Variants in MYO1D observed in about 807,000 individuals in gnomAD.
The protein encoded by MYO1D is unconventional myosin-Id.
A neutral mutation model predicts 122.0 loss-of-function variants in MYO1D; 83 were observed. That is an observed-to-expected ratio of 0.68 (90% CI 0.57 to 0.82). The LOEUF (loss-of-function observed/expected upper bound fraction) is 0.82. Ranked by LOEUF, MYO1D falls within the 40% of genes least tolerant of loss-of-function variation. The probability of loss-of-function intolerance (pLI) is 0.00; values close to 1 mark genes in which losing one functional copy is unlikely to be tolerated. For synonymous variants in MYO1D, 464 were observed against 446.9 expected (o/e 1.04, Z -0.48); for missense variants, 1,157 against 1,269.5 (o/e 0.91, Z 1.35).
chr17:32,743,594 CATTATTATT>C (rs746402773), intron 13 of MYO1D, among the ~76,000 whole-genome samples: 1 of 151,368 alleles, frequency 6.6e-6, no homozygotes, highest in African/African-American at 2.4e-5. Flanking sequence ...CCTCAGCCTG[CATTATTATT>C]ATTATTATTG....
chr17:32,596,352 G>A (rs2087492512), intron 21 of MYO1D, among the ~76,000 whole-genome samples: 1 of 152,226 alleles, frequency 6.6e-6, no homozygotes, highest in African/African-American at 2.4e-5. Context: ...CAGAAGGCGT[G>A]AGCAGCAGCT....
chr17:32,832,799 A>G (rs1567663948), intron 1 of MYO1D, among the ~76,000 whole-genome samples: 1 of 152,246 alleles, frequency 6.6e-6, no homozygotes, highest in Non-Finnish European at 1.5e-5. Context: ...TAGAAGTTAT[A>G]TATGATTTAA....
At chr17:32,517,888 G>A (rs1219998282) in intron 21 of MYO1D, among the ~76,000 whole-genome samples, 4 of 152,204 alleles carry the variant, frequency 2.6e-5, no homozygotes, top group Admixed American at 2.6e-4. Flanking sequence ...GAGCCCCCAA[G>A]GGTCACAGAG....
chr17:32,613,211 GT>G (rs1216426858), intron 20 of MYO1D, among the ~76,000 whole-genome samples: 1 of 151,968 alleles, frequency 6.6e-6, no homozygotes, highest in Non-Finnish European at 1.5e-5. Flanking sequence ...CTAGGCACAG[GT>G]TATGTTATAG....
intron 1 of MYO1D, among the ~76,000 whole-genome samples, chr17:32,810,540 T>C (rs1430890424): frequency 2.6e-5 from 4 of 151,670 alleles, no homozygotes. Flanking sequence ...TGCAATGGCG[T>C]GATCCTGGCT....
At chr17:32,701,607 A>G (rs1484163590) in intron 16 of MYO1D, among the ~76,000 whole-genome samples, 1 of 152,218 alleles carries the variant, frequency 6.6e-6, no homozygotes, top group Non-Finnish European at 1.5e-5. Context: ...CTGTCACTTA[A>G]GCTGAAGTTC....
At chr17:32,809,827 G>A (rs1400133345) in intron 1 of MYO1D, among the ~76,000 whole-genome samples, 1 of 152,224 alleles carries the variant, frequency 6.6e-6, no homozygotes, top group Non-Finnish European at 1.5e-5. Flanking sequence ...CAGGCCTTTT[G>A]CATCATCTTA....
chr17:32,567,501 A>G (rs2087184615), intron 21 of MYO1D, among the ~76,000 whole-genome samples: 1 of 152,248 alleles, frequency 6.6e-6, no homozygotes. Flanking sequence ...AATAAGGTAC[A>G]CAAAGGTTAA....
chr17:32,775,404 C>T (rs1202193833), intron 4 of MYO1D, among the ~76,000 whole-genome samples: 1 of 151,978 alleles, frequency 6.6e-6, no homozygotes, highest in Non-Finnish European at 1.5e-5. Flanking sequence ...TTTTTACTGA[C>T]CAAATACAGT....
At chr17:32,844,109 T>C (rs2090910853) in intron 1 of MYO1D, among the ~76,000 whole-genome samples, 1 of 150,328 alleles carries the variant, frequency 6.7e-6, no homozygotes, top group Non-Finnish European at 1.5e-5. Context: ...CCAGTAAATT[T>C]ATTAAATATT....
At position 32,632,626 on chromosome 17, in the gene MYO1D, C is replaced by CACAT. The variant is rs1310332247; in HGVS notation, c.2709+6095_2709+6096insATGT. 2.7e-4 allele frequency: 23 copies of CACAT among 83,792 alleles called. No homozygotes were observed. The East Asian group carries it at 2.8e-3, about 10-fold the overall frequency. The allele number at this position is 83,792 out of a possible 1,614,324, so 5.2% of individuals were successfully genotyped here. On this transcript the variant is annotated intron_variant, in intron 20 of 21. Coordinates refer to ENST00000318217, the MANE Select transcript of MYO1D (RefSeq NM_015194.3). ...ACACACACACACACACACACACACA[C>CACAT]ATATATATATATATAAATAGGCAAA...
chr17:32,871,239 T>C (rs2091176579), intron 1 of MYO1D, among the ~76,000 whole-genome samples: 1 of 152,178 alleles, frequency 6.6e-6, no homozygotes, highest in African/African-American at 2.4e-5. Context: ...TGGCAATGTC[T>C]AGAGACATTT....
intron 19 of MYO1D, among the ~76,000 whole-genome samples, chr17:32,645,989 G>A (rs1312986394): frequency 1.3e-5 from 2 of 152,224 alleles, no homozygotes; most frequent in African/African-American, 4.8e-5. Flanking sequence ...CTGATTTTTA[G>A]AATTTTCAGT....
At position 32,730,215 on chromosome 17, in the gene MYO1D, ATTTT is replaced by A. The variant is rs1318179595; in HGVS notation, c.1746+8034_1746+8037del. Among the ~76,000 whole-genome samples the A allele has an allele frequency of 2.0e-5, 3 of 150,360 alleles. 1 individual carries two copies. In the South Asian group the frequency reaches 6.3e-4, roughly 31 times the overall value. ...ATTATGTTAGAAAATTTTCACATGT[ATTTT>A]TAACTCATCAGAGTTGAACGTTAAA... On this transcript the variant is annotated intron_variant, in intron 14 of 21. Coordinates refer to ENST00000318217, the MANE Select transcript of MYO1D (RefSeq NM_015194.3).
chr17:32,535,745 C>T (rs1036988399), intron 21 of MYO1D, among the ~76,000 whole-genome samples: 2 of 150,290 alleles, frequency 1.3e-5, no homozygotes, highest in African/African-American at 5.0e-5. Flanking sequence ...AGCAAGACTC[C>T]ATCTCAACAA....
chr17:32,589,782 A>G lies in MYO1D; in HGVS notation c.2864+15305T>C, dbSNP rs113678325. 7.3e-4 allele frequency among the ~76,000 whole-genome samples: 111 copies of G among 152,314 alleles called. 3 individuals carry two copies. The highest frequency in any genetic ancestry group is 2.6e-3 in the African/African-American group (108 of 41,584). ...AGGGATTTTTATTGCTAATTACTAAAGGGGTGGCAAAATAACAATTTCAGG... is the reference window on the plus strand; with the variant it reads ...AGGGATTTTTATTGCTAATTACTAAGGGGGTGGCAAAATAACAATTTCAGG... On this transcript the variant is annotated intron_variant, in intron 21 of 21. Coordinates refer to ENST00000318217, the MANE Select transcript of MYO1D (RefSeq NM_015194.3).
chr17:32,683,594 G>T (rs1199088671), intron 16 of MYO1D, among the ~76,000 whole-genome samples: 9 of 151,892 alleles, frequency 5.9e-5, no homozygotes, highest in Non-Finnish European at 1.2e-4. Context: ...ACTTGAGGAG[G>T]CAGTCTGCCG....
At chr17:32,762,598 G>T (rs1317742466) in intron 8 of MYO1D, among the ~76,000 whole-genome samples, 6 of 152,116 alleles carry the variant, frequency 3.9e-5, no homozygotes, top group African/African-American at 1.4e-4. Flanking sequence ...AACTTGCCAG[G>T]TGCAGTGGCT....
intron 16 of MYO1D, among the ~76,000 whole-genome samples, chr17:32,670,243 A>G (rs2088695644): frequency 6.6e-6 from 1 of 152,180 alleles, no homozygotes; most frequent in African/African-American, 2.4e-5. Flanking sequence ...ATATCATTGT[A>G]TCAGTGTGAA....
Sources: gnomAD v4.1 joint callset for allele counts (sites outside exome capture counted in the v4.1 genomes callset) on GRCh38, gnomAD v4.1.1 for gene constraint, MANE v1.5 for transcripts, NCBI Gene and HGNC (gene_info 2026-07-23, HGNC 2026-07-21) for gene names.